PIEZO2: variants seen among roughly 807,000 people sequenced by gnomAD.
PIEZO2 encodes piezo type mechanosensitive ion channel component 2.
Under a neutral mutation model 337.3 loss-of-function variants are expected in PIEZO2, and 172 were observed. The ratio of observed to expected loss-of-function variants is 0.51; its 90% CI spans 0.45 to 0.58. The LOEUF is 0.58. Among genes scored for constraint, PIEZO2 ranks in the 20% least tolerant of loss-of-function variants. PIEZO2 has a pLI of 0.00. For synonymous variants in PIEZO2, 1,251 were observed against 1,228.5 expected (o/e 1.02, Z -0.38); for missense variants, 3,028 against 3,391.3 (o/e 0.89, Z 2.66).
At chr18:10,981,652 T>G (rs971569857) in intron 2 of PIEZO2, among the ~76,000 whole-genome samples, 1 of 152,184 alleles carries the variant, frequency 6.6e-6, no homozygotes, top group Admixed American at 6.5e-5. Flanking sequence ...TGAGCGTGTC[T>G]GTGAGAATGT....
chr18:10,938,340 C>A lies in PIEZO2; in HGVS notation c.287-27112G>T, dbSNP rs2032518820. On this transcript the variant is annotated intron_variant, in intron 3 of 55. Transcript: ENST00000674853. Reference sequence around the variant, plus strand: ...ATAAGTGCTACAGAACTATAAAGTACTAAATAAAAGCTAATATATTAGGCA... The same window carrying A: ...ATAAGTGCTACAGAACTATAAAGTAATAAATAAAAGCTAATATATTAGGCA... Among the ~76,000 whole-genome samples, 3 of 152,120 alleles carry A rather than the reference C, an allele frequency of 2.0e-5. No individual in the cohort carries two copies. The South Asian group carries it at 6.2e-4, about 31-fold the overall frequency.
chr18:10,729,559 G>A (rs4305148), intron 36 of PIEZO2, among the ~76,000 whole-genome samples: 32,976 of 149,464 alleles, frequency 0.22, 3,910 homozygotes, highest in South Asian at 0.32. Context: ...GGGAGGCTGA[G>A]GTTGCAGTGA....
rs757600167 is a variant in PIEZO2 at position 10,888,228 on chromosome 18, T to A, written c.330-16813A>T. 2.6e-5 allele frequency among the ~76,000 whole-genome samples: 4 copies of A among 152,194 alleles called. No individual in the cohort carries two copies. Among genetic ancestry groups the A allele is most frequent in the Non-Finnish European group, 2.9e-5 (2 of 68,034 alleles). ...GCTAAGTAATATCAGTGTGGATGCA[T>A]GAACTTCTCTTTTATTAGATAGACT... On this transcript the variant is annotated intron_variant, in intron 4 of 55. Transcript: ENST00000674853. This position sits in a 1 kb window ranked among gnomAD's most constrained non-coding sequence, Gnocchi z 4.1.
rs200468246 is a variant in PIEZO2, at chr18:10,727,955, C to CAAAAAAA, written c.5029+3445_5029+3451dup. Reference sequence around the variant, plus strand: ...AGCCAGACAATTAAAACAGTAATAACAAAAAAAAAAAAGAAAAAAGAAAAA... The same window carrying CAAAAAAA: ...AGCCAGACAATTAAAACAGTAATAACAAAAAAAAAAAAAAAAAAAGAAAAAAGAAAAA... On this transcript the variant is annotated intron_variant, in intron 36 of 55. Coordinates refer to ENST00000674853, the MANE Select transcript of PIEZO2 (RefSeq NM_001378183.1). The surrounding 1 kb of genome is among the most constrained non-coding windows in gnomAD (Gnocchi z 6.3). 1 of 106,700 alleles carries CAAAAAAA rather than the reference C, an allele frequency of 9.4e-6. No homozygotes were observed. Among genetic ancestry groups the CAAAAAAA allele is most frequent in the African/African-American group, 3.5e-5 (1 of 28,706 alleles). The allele number at this position is 106,700 out of a possible 1,614,324, so 6.6% of individuals were successfully genotyped here. A position where few individuals can be genotyped will look rare whatever the true frequency, so the allele number is the denominator to read the frequency against.
chr18:10,784,011 G>T lies in PIEZO2; in HGVS notation c.2492+773C>A, dbSNP rs2039122977. On this transcript the variant is annotated intron_variant, in intron 17 of 55. Transcript: ENST00000674853. The surrounding 1 kb of genome is among the most constrained non-coding windows in gnomAD (Gnocchi z 4.5). ...TGTGCTCCTCTCAATACAGCCCTTT[G>T]CTCCCTTAGCTGCTTAACAAGTATT... 6.6e-6 allele frequency among the ~76,000 whole-genome samples: 1 copy of T among 152,044 alleles called. No individual in the cohort carries two copies. Among genetic ancestry groups the T allele is most frequent in the Admixed American group, 6.6e-5 (1 of 15,250 alleles).
intron 2 of PIEZO2, among the ~76,000 whole-genome samples, chr18:10,992,722 G>T (rs994082971): frequency 6.6e-6 from 1 of 152,146 alleles, no homozygotes; most frequent in Non-Finnish European, 1.5e-5. Context: ...CTCTATTTTG[G>T]TTCCATATGA....
chr18:11,061,528 T>C (rs1052921478), intron 2 of PIEZO2, among the ~76,000 whole-genome samples: 1 of 152,168 alleles, frequency 6.6e-6, no homozygotes, highest in African/African-American at 2.4e-5. Flanking sequence ...GCCCACAATC[T>C]CCTTAAGCTG....
chr18:10,883,447 G>A (rs749218041), intron 4 of PIEZO2, among the ~76,000 whole-genome samples: 3 of 151,750 alleles, frequency 2.0e-5, no homozygotes, highest in Non-Finnish European at 4.4e-5. Flanking sequence ...TATTGTTACT[G>A]TTATTCTTGA....
intron 7 of PIEZO2, among the ~76,000 whole-genome samples, chr18:10,829,481 C>T (rs1226465079): frequency 6.6e-6 from 1 of 152,144 alleles, no homozygotes; most frequent in Non-Finnish European, 1.5e-5. Context: ...GAAATAAAAG[C>T]ATCCAATTTG....
intron 3 of PIEZO2, among the ~76,000 whole-genome samples, chr18:10,933,207 G>A (rs1039466597): frequency 8.6e-5 from 13 of 151,020 alleles, no homozygotes; most frequent in Middle Eastern, 3.4e-3. Context: ...CAATTTAATC[G>A]GTTAAAAAAA....
At chr18:10,959,054 G>A (rs1810775761) in intron 3 of PIEZO2, among the ~76,000 whole-genome samples, 2 of 152,146 alleles carry the variant, frequency 1.3e-5, no homozygotes, top group Non-Finnish European at 2.9e-5. Context: ...GTAGAGGGAA[G>A]ACATTAAATA....
chr18:10,855,510 A>G lies in PIEZO2; in HGVS notation c.760T>C (p.Cys254Arg). The change falls in exon 7 of 56, where the codon TGC becomes CGC. Residue 254 changes from cysteine to arginine, a missense_variant. Transcript: ENST00000674853. This position sits in a 1 kb window ranked among gnomAD's most constrained non-coding sequence, Gnocchi z 4.9. ...GTCCGGCACCAGGACCACCAGGTGC[A>G]CAGACCCAAAAATACAAAAAAATAC... is the stretch of plus-strand genomic sequence containing the variant. ...SVYFFVFLGL[C>R]TWWSWCRTFD... 5 of 1,537,158 alleles carry G rather than the reference A, an allele frequency of 3.3e-6. No homozygotes were observed. The highest frequency in any genetic ancestry group is 4.4e-6 in the Non-Finnish European group (5 of 1,146,908).
chr18:10,794,944 G>C lies in PIEZO2; in HGVS notation c.1586C>G (p.Thr529Ser). The C allele has an allele frequency of 6.5e-7, 1 of 1,546,566 alleles. No individual in the cohort carries two copies. Among genetic ancestry groups the C allele is most frequent in the Non-Finnish European group, 8.7e-7 (1 of 1,146,988 alleles). ...LTFVLLIWSC[T>S]LWMIRNRRKY... ...TCTTCTGTTGCGAATCATCCAAAGAGTGCACGACCAGATCAGCAGCACGAA... is the reference window on the plus strand; with the variant it reads ...TCTTCTGTTGCGAATCATCCAAAGACTGCACGACCAGATCAGCAGCACGAA... The change falls in exon 13 of 56, where the codon ACT (threonine) becomes AGT (serine). Residue 529 changes from threonine to serine, a missense_variant. Transcript: ENST00000674853. This position sits in a 1 kb window ranked among gnomAD's most constrained non-coding sequence, Gnocchi z 6.6.
intron 36 of PIEZO2, among the ~76,000 whole-genome samples, chr18:10,720,361 TTC>T (rs1343496760): frequency 0.079 from 5,303 of 66,948 alleles, 495 homozygotes; most frequent in Admixed American, 0.24. Context: ...CCTATATATA[TTC>T]TGTGTGTGTG....
intron 36 of PIEZO2, 41 bp from the exon 37 acceptor site, chr18:10,718,300 A>C: frequency 6.8e-7 from 1 of 1,463,920 alleles, no homozygotes; most frequent in Non-Finnish European, 9.3e-7. Context: ...AATTCCATCT[A>C]GGGTAAATTA....
chr18:10,827,468 C>G (rs750824915), intron 7 of PIEZO2, among the ~76,000 whole-genome samples: 12 of 152,108 alleles, frequency 7.9e-5, no homozygotes, highest in Non-Finnish European at 1.0e-4. Flanking sequence ...TCAAAATCAA[C>G]CCAATTTTCT....
intron 35 of PIEZO2, among the ~76,000 whole-genome samples, chr18:10,732,726 A>G (rs1414649219): frequency 6.6e-6 from 1 of 152,234 alleles, no homozygotes; most frequent in Non-Finnish European, 1.5e-5. Context: ...AATTTTCAGG[A>G]GGACTGAATA....
chr18:10,756,393 TGAG>T (rs752785854), intron 27 of PIEZO2, among the ~76,000 whole-genome samples: 2 of 138,726 alleles, frequency 1.4e-5, no homozygotes, highest in African/African-American at 2.8e-5. Context: ...GGATGAAAGA[TGAG>T]GAGGACGGAT....
At position 10,945,826 on chromosome 18, in the gene PIEZO2, G is replaced by GA. The variant is rs1371340344; in HGVS notation, c.286+33708dup. Among the ~76,000 whole-genome samples, 1 of 152,078 alleles carries GA rather than the reference G, an allele frequency of 6.6e-6. No homozygotes were observed. Among genetic ancestry groups the GA allele is most frequent in the South Asian group, 2.1e-4 (1 of 4,822 alleles). ...AGTAGATATAGAGAAGACATCAAAA[G>GA]AAAAAATTGGACTTCTTGAGATAAT... On this transcript the variant is annotated intron_variant, in intron 3 of 55. Coordinates refer to ENST00000674853, the MANE Select transcript of PIEZO2 (RefSeq NM_001378183.1). This position sits in a 1 kb window ranked among gnomAD's most constrained non-coding sequence, Gnocchi z 4.0.
Sources: gnomAD v4.1 joint callset for allele counts (sites outside exome capture counted in the v4.1 genomes callset) on GRCh38, gnomAD v4.1.1 for gene constraint, Gnocchi (gnomAD v3.1) non-coding constraint, MANE v1.5 for transcripts, NCBI Gene and HGNC (gene_info 2026-07-23, HGNC 2026-07-21) for gene names.